The following MEPE variants were observed in gnomAD, a reference collection of about 807,000 sequenced individuals.
MEPE encodes matrix, extracellular phosphoglycoprotein with ASARM motif (bone).
In MEPE, 7 loss-of-function variants were observed where a neutral mutation model predicts 7.3. The observed-to-expected ratio is 0.95, with a 90% CI of 0.54 to 1.79. The LOEUF is 1.79. MEPE is among the 40% of genes most tolerant of loss of function. The probability of loss-of-function intolerance (pLI) is 0.00; values close to 1 mark genes in which losing one functional copy is unlikely to be tolerated. For missense variants in MEPE, 623 were observed against 628.2 expected (o/e 0.99, Z 0.09); for synonymous variants, 214 against 213.1 (o/e 1.00, Z -0.04).
In MEPE at chr4:87,845,441, GA is replaced by G. The variant is rs757369815; in HGVS notation, c.575del (p.Lys192ArgfsTer17). ...ASMNYAKAHS[K>X]DKKKPQRDSQ... ...GTATGAATTATGCTAAAGCACACTCGAAGGATAAAAAGAAGCCTCAAAGAGA... is the reference window on the plus strand; with the variant it reads ...GTATGAATTATGCTAAAGCACACTCGAGGATAAAAAGAAGCCTCAAAGAGA... On this transcript the variant is annotated frameshift_variant, in exon 4 of 4. Transcript: ENST00000361056. LOFTEE classifies it low-confidence loss of function (END_TRUNC). The G allele has an allele frequency of 1.9e-6, 3 of 1,613,744 alleles. No individual in the cohort carries two copies. The South Asian group carries it at 3.3e-5, about 18-fold the overall frequency.
In MEPE at chr4:87,845,454, A is replaced by C; in HGVS notation, c.586A>C (p.Lys196Gln). The change falls in exon 4 of 4, where the codon AAG becomes CAG. Residue 196 changes from lysine (K) to glutamine (Q), a missense_variant. Transcript: ENST00000361056. ...TAAAGCACACTCGAAGGATAAAAAG[A>C]AGCCTCAAAGAGATTCCCAAGCCCA... Reference protein sequence around the residue: ...YAKAHSKDKKKPQRDSQAQKS... With the variant: ...YAKAHSKDKKQPQRDSQAQKS... 1 of 1,613,964 alleles carries C rather than the reference A, an allele frequency of 6.2e-7. No homozygotes were observed. Among genetic ancestry groups the C allele is most frequent in the Non-Finnish European group, 8.5e-7 (1 of 1,179,986 alleles).
At position 87,834,759 on chromosome 4, in the gene MEPE, G is replaced by A; in HGVS notation, c.45G>A (p.Trp15Ter). ...GACTACTCCTTTTCAGTGTGACCTG[G>A]GCAGCACCAGTAAGTATTTACAAAT... is the stretch of plus-strand genomic sequence containing the variant. ...CVGLLLFSVT[W>*]AAPTFQPQTE... The change falls in exon 2 of 4, where the codon TGG becomes TGA. Residue 15 changes from tryptophan to a stop codon, truncating the protein, a stop_gained. Transcript: ENST00000361056. LOFTEE classifies it high-confidence loss of function. The A allele has an allele frequency of 1.2e-6, 2 of 1,611,534 alleles. No individual in the cohort carries two copies. The highest frequency in any genetic ancestry group is 3.3e-4 in the Middle Eastern group (2 of 6,052).
chr4:87,837,163 CA>C (rs1346702413), intron 2 of MEPE, among the ~76,000 whole-genome samples: 3 of 152,084 alleles, frequency 2.0e-5, no homozygotes, highest in South Asian at 2.1e-4. Flanking sequence ...AAAAGCCAAC[CA>C]GGGGTGGTGA....
At chr4:87,840,633 C>T (rs1722979016) in intron 3 of MEPE, among the ~76,000 whole-genome samples, 1 of 151,818 alleles carries the variant, frequency 6.6e-6, no homozygotes, top group Non-Finnish European at 1.5e-5. Context: ...AGAAAAGAAA[C>T]AAAAGGCACT....
chr4:87,846,130 TAAATGA>T lies in MEPE; in HGVS notation c.1266_1271del (p.Asn422_Glu423del), dbSNP rs1410934239. ...CATTCTAATAGGAACCAAGCAACCT[TAAATGA>T]AAAACAAAGGTTTCCTAGTAAGGGC... On this transcript the variant is annotated inframe_deletion, in exon 4 of 4. Coordinates refer to ENST00000361056, the MANE Select transcript of MEPE (RefSeq NM_020203.6). 2 of 1,592,630 alleles carry T rather than the reference TAAATGA, an allele frequency of 1.3e-6. No individual in the cohort carries two copies. Among genetic ancestry groups the T allele is most frequent in the East Asian group, 4.5e-5 (2 of 43,996 alleles).
chr4:87,831,508 C>T (rs553402539), upstream of MEPE, among the ~76,000 whole-genome samples: 4 of 152,268 alleles, frequency 2.6e-5, no homozygotes, highest in Admixed American at 6.5e-5. Context: ...AATATGACCA[C>T]GTCTCATCAT....
chr4:87,825,205 A>G (rs552477809), intron 1 of MEPE, among the ~76,000 whole-genome samples: 104 of 152,026 alleles, frequency 6.8e-4, no homozygotes, highest in Admixed American at 9.2e-4. Context: ...CTGTCTTTCA[A>G]AATTCTGTAA....
intron 3 of MEPE, among the ~76,000 whole-genome samples, chr4:87,841,649 T>A (rs1723017564): frequency 6.6e-6 from 1 of 152,112 alleles, no homozygotes; most frequent in Non-Finnish European, 1.5e-5. Flanking sequence ...ATAAGATACA[T>A]ATATAAAAGC....
In MEPE at chr4:87,845,992, C is replaced by T; in HGVS notation, c.1124C>T (p.Pro375Leu). ...CAAGGGAAGGTTGAGTTTCATTACC[C>T]TCCTGCACCCTCAAAAGAGAAAAGA... ...AHQGKVEFHY[P>L]PAPSKEKRKE... The change falls in exon 4 of 4, where the codon CCT (proline) becomes CTT (leucine). Residue 375 changes from proline to leucine, a missense_variant. By Grantham distance (98) the Pro-to-Leu change is moderately conservative. Transcript: ENST00000361056. The T allele has an allele frequency of 6.2e-7, 1 of 1,613,920 alleles. No individual in the cohort carries two copies. Among genetic ancestry groups the T allele is most frequent in the East Asian group, 2.2e-5 (1 of 44,870 alleles).
intron 1 of MEPE, among the ~76,000 whole-genome samples, chr4:87,823,317 G>A (rs1286932160): frequency 2.0e-5 from 3 of 152,114 alleles, no homozygotes; most frequent in Admixed American, 1.3e-4. Flanking sequence ...CTCATTTCAA[G>A]TCCTTCTTAC....
Position 87,846,271 on chromosome 4 carries a change from A to G in MEPE, c.1403A>G (p.Lys468Arg), listed in dbSNP as rs774250152. The G allele has an allele frequency of 1.1e-5, 17 of 1,614,120 alleles. 1 individual carries two copies. The South Asian group carries it at 1.5e-4, about 15-fold the overall frequency. ...SHENIITHGR[K>R]YHYVPHRQNN... Reference sequence around the variant, plus strand: ...GAGAATATAATAACACATGGCAGAAAATATCATTATGTACCCCACAGACAA... The same window carrying G: ...GAGAATATAATAACACATGGCAGAAGATATCATTATGTACCCCACAGACAA... The change falls in exon 4 of 4, where the codon AAA becomes AGA. Residue 468 changes from lysine to arginine, a missense_variant. Coordinates refer to ENST00000361056, the MANE Select transcript of MEPE (RefSeq NM_020203.6).
Position 87,846,397 on chromosome 4 carries a change from G to T in MEPE, c.1529G>T (p.Ser510Ile). Residue 510 changes from serine to isoleucine, a missense_variant, in exon 4 of 4, where the codon AGT (serine) becomes ATT (isoleucine). Ser to Ile is a moderately radical substitution (Grantham distance 142). Transcript: ENST00000361056. The part of the protein sequence containing the change: ...RRFSSRRRDD[S>I]SESSDSGSSS... ...TTTAGTTCCCGTAGAAGGGATGACA[G>T]TAGTGAGTCATCTGACAGTGGCAGT... 1 of 1,614,002 alleles carries T rather than the reference G, an allele frequency of 6.2e-7. No individual in the cohort carries two copies. The highest frequency in any genetic ancestry group is 1.1e-5 in the South Asian group (1 of 91,070).
At chr4:87,825,382 A>G (rs1488572040) in intron 1 of MEPE, among the ~76,000 whole-genome samples, 1 of 152,226 alleles carries the variant, frequency 6.6e-6, no homozygotes, top group East Asian at 1.9e-4. Context: ...AATAACTGTC[A>G]GTGAATGCCC....
chr4:87,830,439 G>A (rs1175772947), upstream of MEPE, among the ~76,000 whole-genome samples: 1 of 152,152 alleles, frequency 6.6e-6, no homozygotes. Context: ...GAACATGGCT[G>A]GAGCTGGAGG....
intron 1 of MEPE, among the ~76,000 whole-genome samples, chr4:87,825,692 A>G (rs1333749173): frequency 6.6e-6 from 1 of 152,192 alleles, no homozygotes; most frequent in Non-Finnish European, 1.5e-5. Flanking sequence ...TTAACCGACT[A>G]TCTTTTTTTC....
At chr4:87,837,350 C>T (rs1239386639) in intron 2 of MEPE, among the ~76,000 whole-genome samples, 1 of 150,478 alleles carries the variant, frequency 6.6e-6, no homozygotes, top group Admixed American at 6.6e-5. Flanking sequence ...CTCTCTCCTT[C>T]CCCCCCTCCA....
intron 2 of MEPE, among the ~76,000 whole-genome samples, chr4:87,835,314 C>A (rs913946210): frequency 6.6e-6 from 1 of 152,176 alleles, no homozygotes; most frequent in African/African-American, 2.4e-5. Context: ...CCAAATCAAG[C>A]TCCTACTTCC....
chr4:87,836,413 A>ATGTG (rs34833616), intron 2 of MEPE, among the ~76,000 whole-genome samples: 3,673 of 150,188 alleles, frequency 0.024, 155 homozygotes, highest in African/African-American at 0.083. Flanking sequence ...TCTAATCCAT[A>ATGTG]TGTGTGTGTG....
At chr4:87,823,137 T>C (rs58489864) in intron 1 of MEPE, among the ~76,000 whole-genome samples, 2,166 of 152,242 alleles carry the variant, frequency 0.014, 56 homozygotes, top group African/African-American at 0.05. Flanking sequence ...GGGTGACTCT[T>C]ACAAGATAAT....
Sources: allele counts gnomAD v4.1 joint callset (sites outside exome capture counted in the v4.1 genomes callset), GRCh38; gene constraint gnomAD v4.1.1; transcripts MANE v1.5; gene names NCBI Gene and HGNC (gene_info 2026-07-23, HGNC 2026-07-21).